The following LRP5 variants were observed in gnomAD, a reference collection of about 807,000 sequenced individuals.
LRP5 encodes the protein LDL receptor related protein 5.
A neutral mutation model predicts 154.1 loss-of-function variants in LRP5; 62 were observed. The ratio of observed to expected loss-of-function variants is 0.40; its 90% CI spans 0.33 to 0.50. LRP5 has a LOEUF of 0.50. Ranked by LOEUF, LRP5 falls within the 20% of genes least tolerant of loss-of-function variation. The pLI is 0.55. For synonymous variants in LRP5, 966 were observed against 1,011.5 expected, an observed-to-expected ratio of 0.96 and a Z score of 0.85; for missense variants, 1,915 against 2,336.7, an observed-to-expected ratio of 0.82 and a Z score of 3.72.
At chr11:68,327,072 T>C (rs1198160638) in intron 1 of LRP5, among the ~76,000 whole-genome samples, 1 of 152,190 alleles carries the variant, frequency 6.6e-6, no homozygotes, top group African/African-American at 2.4e-5. Flanking sequence ...GGCCAAGCTG[T>C]GCCGCCCGTC....
At chr11:68,409,161 A>G (rs938400024) in intron 9 of LRP5, among the ~76,000 whole-genome samples, 2 of 137,786 alleles carry the variant, frequency 1.5e-5, no homozygotes, top group South Asian at 4.3e-4. Flanking sequence ...AATATATAAT[A>G]TAAAAATATA....
intron 1 of LRP5, among the ~76,000 whole-genome samples, chr11:68,327,993 C>G (rs898786691): frequency 2.6e-5 from 4 of 152,218 alleles, no homozygotes; most frequent in Non-Finnish European, 5.9e-5. Context: ...CTGGACTTTG[C>G]AGGCAGCTCC....
intron 5 of LRP5, among the ~76,000 whole-genome samples, chr11:68,376,522 G>A (rs1263600602): frequency 7.9e-5 from 12 of 152,182 alleles, no homozygotes. Context: ...ACACGGTGCC[G>A]AGAGCTCGCT....
intron 5 of LRP5, among the ~76,000 whole-genome samples, chr11:68,384,308 G>A (rs1415569309): frequency 6.6e-6 from 1 of 152,196 alleles, no homozygotes; most frequent in East Asian, 1.9e-4. Flanking sequence ...GGGCACTCAG[G>A]AGATCTGGCA....
chr11:68,299,671 G>A, the LRP5 span, among the ~76,000 whole-genome samples: 3 of 150,630 alleles, frequency 2.0e-5, no homozygotes, highest in South Asian at 2.1e-4. Context: ...TAGCCTCCAG[G>A]TCATGGGTTC....
chr11:68,346,235 T>C (rs1442833726), intron 1 of LRP5, among the ~76,000 whole-genome samples: 1 of 152,272 alleles, frequency 6.6e-6, no homozygotes, highest in Non-Finnish European at 1.5e-5. Context: ...TTTCACAGTG[T>C]CCCTCGTTGC....
At chr11:68,422,901 ACCCTCACCTGCCCTC>A (rs373951696) in intron 13 of LRP5, among the ~76,000 whole-genome samples, 7 of 74,098 alleles carry the variant, frequency 9.4e-5, no homozygotes, top group African/African-American at 3.6e-4. Flanking sequence ...CCTAACCCCC[ACCCTCACCTGCCCTC>A]CCCTCACCTG....
rs369624165 is a variant in LRP5 at position 68,409,904 on chromosome 11, C to A, written c.2092-10C>A. On this transcript the variant is annotated splice_polypyrimidine_tract_variant and intron_variant, in intron 9 of 22. Coordinates refer to ENST00000294304, the MANE Select transcript of LRP5 (RefSeq NM_002335.4). ...AAAATGTGGCCCTTTTCCTCCTCACCTGCTGCCAGACCATCAGCCGCGCCT... is the reference window on the plus strand; with the variant it reads ...AAAATGTGGCCCTTTTCCTCCTCACATGCTGCCAGACCATCAGCCGCGCCT... 6 of 1,609,966 alleles carry A rather than the reference C, an allele frequency of 3.7e-6. No individual in the cohort carries two copies. In the African/African-American group the frequency reaches 8.0e-5, roughly 22 times the overall value.
intron 19 of LRP5, among the ~76,000 whole-genome samples, chr11:68,437,631 C>T (rs2098675739): frequency 6.6e-6 from 1 of 152,242 alleles, no homozygotes. Flanking sequence ...GGGACCTGGG[C>T]TGAGAGCTCC....
rs534461795 is a variant in LRP5, at chr11:68,413,672, C to G, written c.2504-17C>G. On this transcript the variant is annotated splice_polypyrimidine_tract_variant and intron_variant, in intron 11 of 22. Transcript: ENST00000294304. This position sits in a 1 kb window ranked among gnomAD's most constrained non-coding sequence, Gnocchi z 5.1. Reference sequence around the variant, plus strand: ...GCTGTGCCTTTGCTGACACCGTGCCCGTGTGTGTTCATGCAGGTCAGGAGC... The same window carrying G: ...GCTGTGCCTTTGCTGACACCGTGCCGGTGTGTGTTCATGCAGGTCAGGAGC... 9.9e-6 allele frequency: 16 copies of G among 1,609,850 alleles called. No individual in the cohort carries two copies. The highest frequency in any genetic ancestry group is 3.3e-4 in the Middle Eastern group (2 of 6,082).
intron 1 of LRP5, among the ~76,000 whole-genome samples, chr11:68,329,507 A>G (rs948631553): frequency 2.6e-5 from 4 of 152,232 alleles, no homozygotes; most frequent in Non-Finnish European, 5.9e-5. Flanking sequence ...TTCCATCAAT[A>G]AAAGAAATCG....
chr11:68,378,169 GT>G (rs67968018), intron 5 of LRP5, among the ~76,000 whole-genome samples: 152,327 of 152,328 alleles, frequency 1, 76,163 homozygotes, highest in Middle Eastern at 1. Flanking sequence ...TATCTTGTTT[GT>G]TTGTGAAAAA....
intron 13 of LRP5, 62 bp downstream of exon 13, chr11:68,416,589 C>T (rs940408521): frequency 6.6e-7 from 1 of 1,503,898 alleles, no homozygotes; most frequent in Non-Finnish European, 9.2e-7. Flanking sequence ...TGCTGGTTTC[C>T]AGGCTGCTGC....
chr11:68,315,187 G>A (rs1378909268), intron 1 of LRP5, among the ~76,000 whole-genome samples: 6 of 152,178 alleles, frequency 3.9e-5, no homozygotes, highest in Non-Finnish European at 8.8e-5. Flanking sequence ...ATCTCACCCC[G>A]TTCCTCTCCC....
intron 13 of LRP5, among the ~76,000 whole-genome samples, chr11:68,418,029 C>T (rs1232495724): frequency 2.0e-5 from 3 of 152,308 alleles, no homozygotes; most frequent in East Asian, 1.9e-4. Flanking sequence ...GATGTGCTCA[C>T]GGCGGCCTCA....
chr11:68,424,018 G>A (rs2098667318), intron 14 of LRP5, among the ~76,000 whole-genome samples: 1 of 152,208 alleles, frequency 6.6e-6, no homozygotes, highest in African/African-American at 2.4e-5. Context: ...ACGGCATGGG[G>A]GCTGCCTGTT....
chr11:68,425,392 G>A, intron 15 of LRP5, 100 bp downstream of exon 15: 2 of 1,244,974 alleles, frequency 1.6e-6, no homozygotes, highest in Non-Finnish European at 2.3e-6. Context: ...TGAGCCCAGT[G>A]CCGCGCCAGG....
intron 1 of LRP5, among the ~76,000 whole-genome samples, chr11:68,314,293 C>T (rs554362106): frequency 1.3e-5 from 2 of 152,164 alleles, no homozygotes; most frequent in Admixed American, 6.5e-5. Flanking sequence ...AAATGCCTGT[C>T]GTCCATGTGG....
intron 5 of LRP5, among the ~76,000 whole-genome samples, chr11:68,370,363 G>A (rs559031893): frequency 2.0e-5 from 3 of 152,208 alleles, no homozygotes; most frequent in East Asian, 1.9e-4. Context: ...GGGGGAGAGG[G>A]GGGGACAGGC....
Sources: gnomAD v4.1 joint callset for allele counts (sites outside exome capture counted in the v4.1 genomes callset) on GRCh38, gnomAD v4.1.1 for gene constraint, Gnocchi (gnomAD v3.1) non-coding constraint, MANE v1.5 for transcripts, NCBI Gene and HGNC (gene_info 2026-07-23, HGNC 2026-07-21) for gene names.